The following RAB3GAP1 variants were observed in gnomAD, a reference collection of about 807,000 sequenced individuals.
The protein encoded by RAB3GAP1 is RAB3 GTPase activating protein catalytic subunit 1.
A neutral mutation model predicts 130.7 loss-of-function variants in RAB3GAP1; 86 were observed. The observed-to-expected ratio is 0.66, with a 90% CI of 0.55 to 0.79. The LOEUF (loss-of-function observed/expected upper bound fraction) is 0.79, where lower values mean the gene tolerates loss of function less well. RAB3GAP1 is among the 30% of genes least tolerant of loss of function. The pLI, the probability that RAB3GAP1 is intolerant of heterozygous loss-of-function variation, is 0.00. For synonymous variants in RAB3GAP1, 367 were observed against 401.7 expected (o/e 0.91, Z 1.03); for missense variants, 1,029 against 1,169.4 (o/e 0.88, Z 1.75).
chr2:135,167,801 C>G, intron 23 of RAB3GAP1: 3 of 1,166,072 alleles, frequency 2.6e-6, no homozygotes, highest in Non-Finnish European at 3.6e-6. Context: ...CCACCTCTCT[C>G]ACAGTCTGGA....
chr2:135,161,532 G>A (rs947076687), intron 19 of RAB3GAP1, among the ~76,000 whole-genome samples: 2 of 152,116 alleles, frequency 1.3e-5, no homozygotes, highest in African/African-American at 4.8e-5. Context: ...ATGATTTGTA[G>A]TTAATTCTGG....
At chr2:135,077,218 T>A (rs1305917394) in intron 3 of RAB3GAP1, among the ~76,000 whole-genome samples, 1 of 151,936 alleles carries the variant, frequency 6.6e-6, no homozygotes, top group Non-Finnish European at 1.5e-5. Flanking sequence ...TGCAGTGAGA[T>A]GAGATCGAGC....
At chr2:135,100,362 A>C (rs1392192304) in intron 5 of RAB3GAP1, among the ~76,000 whole-genome samples, 1 of 152,222 alleles carries the variant, frequency 6.6e-6, no homozygotes, top group Admixed American at 6.5e-5. Context: ...TAGGGCCTAT[A>C]GCCAAAGCTG....
intron 4 of RAB3GAP1, among the ~76,000 whole-genome samples, chr2:135,091,991 G>GA (rs1032874506): frequency 7.2e-5 from 11 of 152,154 alleles, no homozygotes; most frequent in African/African-American, 2.2e-4. Context: ...GCTCAGACCT[G>GA]AAAAAATCTG....
At chr2:135,164,537 C>T in intron 22 of RAB3GAP1, 57 bp from the exon 23 acceptor site, 1 of 1,345,566 alleles carries the variant, frequency 7.4e-7, no homozygotes, top group South Asian at 1.2e-5. Context: ...AGGATGGACG[C>T]CCAGTGGCCT....
rs530423513 is a variant in RAB3GAP1, at chr2:135,090,977, C to A, written c.151-21C>A. 1.3e-5 allele frequency: 21 copies of A among 1,601,668 alleles called. No individual in the cohort carries two copies. The African/African-American group carries it at 2.5e-4, about 19-fold the overall frequency. ...GCTATTGATTAAGGTAAATATTTTG[C>A]CATTTTATTGGTACATATAGGGTAT... On this transcript the variant is annotated intron_variant, in intron 3 of 23. Transcript: ENST00000264158.
chr2:135,117,462 G>GCTTCTTCTGCTTCTT (rs1284949739), intron 7 of RAB3GAP1, among the ~76,000 whole-genome samples: 2 of 41,790 alleles, frequency 4.8e-5, no homozygotes, highest in African/African-American at 1.1e-4. Context: ...TTCTGCTTCT[G>GCTTCTTCTGCTTCTT]CTTCTGCTTC....
At chr2:135,118,466 C>T (rs556288982) in intron 7 of RAB3GAP1, among the ~76,000 whole-genome samples, 9 of 152,212 alleles carry the variant, frequency 5.9e-5, no homozygotes, top group African/African-American at 2.2e-4. Context: ...TTCATCTTTT[C>T]TTTTTCATCT....
At chr2:135,137,819 G>GT (rs371363437) in intron 17 of RAB3GAP1, among the ~76,000 whole-genome samples, 253 of 144,394 alleles carry the variant, frequency 1.8e-3, no homozygotes, top group East Asian at 3.8e-3. Context: ...GTTTTGTTTT[G>GT]TTTTTTTTTT....
intron 3 of RAB3GAP1, among the ~76,000 whole-genome samples, chr2:135,074,850 A>G (rs1360004783): frequency 2.0e-5 from 3 of 152,236 alleles, no homozygotes; most frequent in Non-Finnish European, 1.5e-5. Flanking sequence ...GCTGTCTACT[A>G]AGAGGCAGGA....
chr2:135,078,098 T>A (rs1689682266), intron 3 of RAB3GAP1, among the ~76,000 whole-genome samples: 1 of 152,204 alleles, frequency 6.6e-6, no homozygotes, highest in African/African-American at 2.4e-5. Flanking sequence ...TGGTGTCCTG[T>A]CCAAGAAATA....
chr2:135,097,531 C>T (rs574417237), intron 5 of RAB3GAP1, among the ~76,000 whole-genome samples: 15 of 152,212 alleles, frequency 9.9e-5, no homozygotes, highest in African/African-American at 2.6e-4. Context: ...ACACTCTCGA[C>T]ATCCTTATAA....
At chr2:135,053,331 C>A (rs1443366517) in intron 2 of RAB3GAP1, among the ~76,000 whole-genome samples, 1 of 152,220 alleles carries the variant, frequency 6.6e-6, no homozygotes, top group Non-Finnish European at 1.5e-5. Flanking sequence ...TAAGTTGTTA[C>A]ATTAAAGTGG....
chr2:135,087,096 A>G (rs1416897591), intron 3 of RAB3GAP1, among the ~76,000 whole-genome samples: 1 of 152,132 alleles, frequency 6.6e-6, no homozygotes, highest in Non-Finnish European at 1.5e-5. Flanking sequence ...ATCCCAAGGT[A>G]TTTGCAAGAT....
intron 3 of RAB3GAP1, among the ~76,000 whole-genome samples, chr2:135,065,919 C>T (rs1054783702): frequency 3.3e-5 from 5 of 151,802 alleles, no homozygotes; most frequent in Admixed American, 6.6e-5. Flanking sequence ...TACAGGTGTG[C>T]GCCACCATGC....
At chr2:135,145,399 TAC>T (rs10603690) in intron 17 of RAB3GAP1, among the ~76,000 whole-genome samples, 25,723 of 146,512 alleles carry the variant, frequency 0.18, 2,975 homozygotes, top group African/African-American at 0.31. Context: ...CACACACACA[TAC>T]ACACACACAC....
chr2:135,112,559 C>T (rs1690835178), intron 5 of RAB3GAP1, among the ~76,000 whole-genome samples: 1 of 152,114 alleles, frequency 6.6e-6, no homozygotes, highest in Non-Finnish European at 1.5e-5. Context: ...AGGCATCAGA[C>T]ACCTCTCCCA....
At chr2:135,064,586 CTT>C (rs765989502) in intron 3 of RAB3GAP1, among the ~76,000 whole-genome samples, 47 of 151,904 alleles carry the variant, frequency 3.1e-4, no homozygotes, top group Middle Eastern at 3.4e-3. Flanking sequence ...TTGTTTGAAA[CTT>C]GAGTGTATTT....
At position 135,169,070 on chromosome 2, in the gene RAB3GAP1, C is replaced by A; in HGVS notation, c.*289C>A. 1 of 483,226 alleles carries A rather than the reference C, an allele frequency of 2.1e-6. No individual in the cohort carries two copies. 29.9% of individuals were successfully genotyped at this position (483,226 alleles called of 1,614,324 possible). On this transcript the variant is annotated 3_prime_UTR_variant, in exon 24 of 24. Transcript: ENST00000264158. The stretch of plus-strand genomic sequence containing the variant: ...ACAAACACATCAGACACTCCGTCCT[C>A]ACACTGGCAGGACGGTGTTCATCGC...
Sources: allele counts gnomAD v4.1 joint callset (sites outside exome capture counted in the v4.1 genomes callset), GRCh38; gene constraint gnomAD v4.1.1; transcripts MANE v1.5; gene names NCBI Gene and HGNC (gene_info 2026-07-23, HGNC 2026-07-21).